ANKRD11: variants seen among roughly 807,000 people sequenced by gnomAD.
ANKRD11 encodes ankyrin repeat domain-containing protein 11.
A neutral mutation model predicts 195.7 loss-of-function variants in ANKRD11; 17 were observed. The ratio of observed to expected loss-of-function variants is 0.09; its 90% CI spans 0.06 to 0.13. The LOEUF is 0.13. ANKRD11 is among the 10% of genes least tolerant of loss of function. The pLI is 1.00. For synonymous variants in ANKRD11, 1,953 were observed against 1,528.1 expected, an observed-to-expected ratio of 1.28 and a Z score of -6.49; for missense variants, 3,735 against 3,566.1, an observed-to-expected ratio of 1.05 and a Z score of -1.21.
At position 89,291,816 on chromosome 16, in the gene ANKRD11, T is replaced by G; in HGVS notation, c.227-633A>C. ...CACAGAGCACTAACAAGACACGGTG[T>G]GAGAGCTCGGCTGTTTCCACCTCAG... On this transcript the variant is annotated intron_variant, in intron 4 of 12. Transcript: ENST00000301030. This position sits in a 1 kb window ranked among gnomAD's most constrained non-coding sequence, Gnocchi z 5.3. 24 of 1,272,336 alleles carry G rather than the reference T, an allele frequency of 1.9e-5. No homozygotes were observed. The highest frequency in any genetic ancestry group is 2.2e-5 in the Non-Finnish European group (21 of 973,386). 78.8% of individuals were successfully genotyped at this position (1,272,336 alleles called of 1,614,324 possible). A position where few individuals can be genotyped will look rare whatever the true frequency, so the allele number is the denominator to read the frequency against.
At chr16:89,341,933 T>C (rs2038691226) in intron 2 of ANKRD11, among the ~76,000 whole-genome samples, 1 of 149,950 alleles carries the variant, frequency 6.7e-6, no homozygotes, top group Admixed American at 6.6e-5. Flanking sequence ...GCGGGAGTGC[T>C]GCACCTCCTC....
intron 4 of ANKRD11, among the ~76,000 whole-genome samples, chr16:89,295,289 T>G (rs1013223703): frequency 5.9e-5 from 9 of 151,726 alleles, no homozygotes; most frequent in Non-Finnish European, 1.3e-4. Context: ...CGGTGGAGGG[T>G]GCCAGGAGAG....
chr16:89,414,122 G>A (rs2042205932), intron 2 of ANKRD11, among the ~76,000 whole-genome samples: 1 of 152,176 alleles, frequency 6.6e-6, no homozygotes, highest in African/African-American at 2.4e-5. Context: ...GCGCACGATC[G>A]CACCTGCCTT....
chr16:89,317,215 C>T (rs762803857), intron 2 of ANKRD11, 137 bp from the exon 3 acceptor site: 2 of 699,598 alleles, frequency 2.9e-6, no homozygotes, highest in Non-Finnish European at 5.1e-6. Context: ...CCGGGCCAGG[C>T]CCAGGAAGGG....
At chr16:89,450,332 A>G (rs1343665048) in intron 1 of ANKRD11, among the ~76,000 whole-genome samples, 1 of 152,212 alleles carries the variant, frequency 6.6e-6, no homozygotes, top group Admixed American at 6.5e-5. Flanking sequence ...AAACAAAAAC[A>G]TAAGACTCAG....
chr16:89,337,696 TC>T (rs1343013581), intron 2 of ANKRD11, among the ~76,000 whole-genome samples: 2 of 152,220 alleles, frequency 1.3e-5, no homozygotes, highest in East Asian at 3.9e-4. Context: ...CGCCTCGGCC[TC>T]CCAAAGTGCT....
At position 89,291,467 on chromosome 16, in the gene ANKRD11, C is replaced by T. The variant is rs1465349368; in HGVS notation, c.227-284G>A. The stretch of plus-strand genomic sequence containing the variant: ...GAGCATCCACTCACTCCAGGCACCT[C>T]TCCTGGGCCTCCCCAGACCTCGTAC... On this transcript the variant is annotated intron_variant, in intron 4 of 12. Transcript: ENST00000301030. This position sits in a 1 kb window ranked among gnomAD's most constrained non-coding sequence, Gnocchi z 5.3. Among the ~76,000 whole-genome samples, 1 of 152,168 alleles carries T rather than the reference C, an allele frequency of 6.6e-6. No individual in the cohort carries two copies. Among genetic ancestry groups the T allele is most frequent in the Non-Finnish European group, 1.5e-5 (1 of 68,020 alleles).
At chr16:89,433,085 CCT>C (rs1237287091) in intron 1 of ANKRD11, among the ~76,000 whole-genome samples, 3 of 151,982 alleles carry the variant, frequency 2.0e-5, no homozygotes, top group Non-Finnish European at 4.4e-5. Context: ...TCTCCCTTGG[CCT>C]CTGAGCATTT....
At chr16:89,273,899 T>C (rs1288742912) in intron 11 of ANKRD11, among the ~76,000 whole-genome samples, 1 of 151,960 alleles carries the variant, frequency 6.6e-6, no homozygotes, top group East Asian at 1.9e-4. Flanking sequence ...GGGCACATAT[T>C]ACGAGGGCTC....
intron 2 of ANKRD11, among the ~76,000 whole-genome samples, chr16:89,381,088 C>T (rs546471326): frequency 4.9e-4 from 74 of 152,124 alleles, no homozygotes; most frequent in African/African-American, 1.7e-3. Context: ...TTTGGGAGGC[C>T]GAGGCAGGTG....
At chr16:89,331,264 C>G (rs2038052920) in intron 2 of ANKRD11, among the ~76,000 whole-genome samples, 1 of 152,198 alleles carries the variant, frequency 6.6e-6, no homozygotes, top group African/African-American at 2.4e-5. Flanking sequence ...TGATGAAATA[C>G]ATTCTTAATA....
chr16:89,268,762 G>A, intron 12 of ANKRD11, 99 bp from the exon 13 acceptor site: 1 of 1,386,456 alleles, frequency 7.2e-7, no homozygotes, highest in Non-Finnish European at 9.9e-7. Flanking sequence ...GCGTGATACG[G>A]CCGTGAACCT....
chr16:89,291,909 C>A lies in ANKRD11; in HGVS notation c.227-726G>T, dbSNP rs987395392. On this transcript the variant is annotated intron_variant, in intron 4 of 12. Coordinates refer to ENST00000301030, the MANE Select transcript of ANKRD11 (RefSeq NM_013275.6). This position sits in a 1 kb window ranked among gnomAD's most constrained non-coding sequence, Gnocchi z 5.3. ...CAGAACACTCGGCTGGCGTCTAACGCAACTCACGTGCTGTGTCTTTTAAAA... is the reference window on the plus strand; with the variant it reads ...CAGAACACTCGGCTGGCGTCTAACGAAACTCACGTGCTGTGTCTTTTAAAA... 3.6e-5 allele frequency: 19 copies of A among 523,738 alleles called. No homozygotes were observed. Among genetic ancestry groups the A allele is most frequent in the Non-Finnish European group, 1.7e-5 (5 of 298,438 alleles). The allele number at this position is 523,738 out of a possible 1,614,324, so 32.4% of individuals were successfully genotyped here.
chr16:89,421,683 G>C lies in ANKRD11; in HGVS notation c.-144-3315C>G, dbSNP rs144545094. Among the ~76,000 whole-genome samples the C allele has an allele frequency of 6.9e-4, 83 of 119,614 alleles. 1 individual carries two copies. In the East Asian group the frequency reaches 0.02, roughly 28 times the overall value. 78.5% of individuals were successfully genotyped at this position (119,614 alleles called of 152,430 possible). A position where few individuals can be genotyped will look rare whatever the true frequency, so the allele number is the denominator to read the frequency against. On this transcript the variant is annotated intron_variant, in intron 1 of 12. Transcript: ENST00000301030. ...GGTCGGTGTGTGATGACGGAGTCAG[G>C]GATGGGACCATCACCCGTCCACGTC... is the stretch of plus-strand genomic sequence containing the variant.
At chr16:89,271,038 G>A (rs2033105982) in intron 11 of ANKRD11, 129 bp from the exon 12 acceptor site, 9 of 816,800 alleles carry the variant, frequency 1.1e-5, no homozygotes, top group African/African-American at 3.4e-5. Context: ...ATTCCACCGC[G>A]CACACACTGA....
chr16:89,284,524 A>G lies in ANKRD11; in HGVS notation c.2018T>C (p.Leu673Pro), dbSNP rs771744053. The change falls in exon 9 of 13, where the codon CTG (leucine) becomes CCG (proline). Residue 673 changes from leucine (L) to proline (P), a missense_variant. Transcript: ENST00000301030. ...TTCAGTGGAAAGATCATTCTCTAAC[A>G]GTATAGCCTTATCTGACTTCTGCTT... is the stretch of plus-strand genomic sequence containing the variant. ...DSKQKSDKAI[L>P]LENDLSTENK... 4 of 1,614,092 alleles carry G rather than the reference A, an allele frequency of 2.5e-6. No individual in the cohort carries two copies. In the South Asian group the frequency reaches 3.3e-5, roughly 13 times the overall value.
intron 3 of ANKRD11, chr16:89,313,306 G>C (rs1311036188): frequency 4.7e-6 from 6 of 1,286,728 alleles, no homozygotes; most frequent in Non-Finnish European, 6.1e-6. Context: ...GTTCTCTGTA[G>C]CCCTGCACAC....
At position 89,306,772 on chromosome 16, in the gene ANKRD11, G is replaced by A. The variant is rs1261758465; in HGVS notation, c.88-1428C>T. On this transcript the variant is annotated intron_variant, in intron 3 of 12. Coordinates refer to ENST00000301030, the MANE Select transcript of ANKRD11 (RefSeq NM_013275.6). Reference sequence around the variant, plus strand: ...ACACGCGCCACTTACCTCCCACTCCGCAGACACGCGCCACCTACCTCCCAC... The same window carrying A: ...ACACGCGCCACTTACCTCCCACTCCACAGACACGCGCCACCTACCTCCCAC... Among the ~76,000 whole-genome samples, 7 of 29,168 alleles carry A rather than the reference G, an allele frequency of 2.4e-4. 1 individual carries two copies. Among genetic ancestry groups the A allele is most frequent in the Non-Finnish European group, 2.9e-4 (5 of 16,982 alleles). The allele number at this position is 29,168 out of a possible 152,430, so 19.1% of individuals were successfully genotyped here.
At chr16:89,349,630 CT>C (rs893082083) in intron 2 of ANKRD11, among the ~76,000 whole-genome samples, 20 of 152,058 alleles carry the variant, frequency 1.3e-4, no homozygotes, top group Non-Finnish European at 2.1e-4. Flanking sequence ...CTAACCTTAC[CT>C]TATGCCATAC....
Sources: gnomAD v4.1 joint callset for allele counts (sites outside exome capture counted in the v4.1 genomes callset) on GRCh38, gnomAD v4.1.1 for gene constraint, Gnocchi (gnomAD v3.1) non-coding constraint, MANE v1.5 for transcripts, NCBI Gene and HGNC (gene_info 2026-07-23, HGNC 2026-07-21) for gene names.